The following TBXAS1 variants were observed in gnomAD, a reference collection of about 807,000 sequenced individuals.
The protein encoded by TBXAS1 is thromboxane-A synthase.
TBXAS1 carries 48 observed loss-of-function variants against 60.7 expected under a neutral mutation model. That is an observed-to-expected ratio of 0.79 (90% CI 0.63 to 1.01). TBXAS1 has a LOEUF of 1.01. Among genes scored for constraint, TBXAS1 ranks in the 50% least tolerant of loss-of-function variants. TBXAS1 has a pLI of 0.00. For missense variants in TBXAS1, 685 were observed against 686.3 expected, an observed-to-expected ratio of 1.00 and a Z score of 0.02; for synonymous variants, 287 against 269.7, an observed-to-expected ratio of 1.06 and a Z score of -0.63.
chr7:139,902,717 C>T (rs990352242), intron 3 of TBXAS1, among the ~76,000 whole-genome samples: 1 of 152,150 alleles, frequency 6.6e-6, no homozygotes, highest in Non-Finnish European at 1.5e-5. Context: ...ACCTTCACAT[C>T]AGCAACTTAT....
chr7:139,836,401 T>C (rs2116532620), intron 1 of TBXAS1, among the ~76,000 whole-genome samples: 1 of 152,298 alleles, frequency 6.6e-6, no homozygotes, highest in East Asian at 1.9e-4. Flanking sequence ...GGCCTCACAT[T>C]ACCTTATTTC....
chr7:139,994,517 C>CTT (rs911593015), intron 9 of TBXAS1, among the ~76,000 whole-genome samples: 1 of 150,866 alleles, frequency 6.6e-6, no homozygotes, highest in Non-Finnish European at 1.5e-5. Flanking sequence ...GCAAAGGAGG[C>CTT]TTTTTTTTTA....
chr7:139,885,363 TTGA>T (rs1803007807), intron 3 of TBXAS1, among the ~76,000 whole-genome samples: 1 of 152,216 alleles, frequency 6.6e-6, no homozygotes. Context: ...CCACATTTAA[TTGA>T]AGCGTACCTG....
At chr7:139,820,372 A>G (rs1183090540) in intron 4 of TBXAS1, among the ~76,000 whole-genome samples, 1 of 152,190 alleles carries the variant, frequency 6.6e-6, no homozygotes, top group Non-Finnish European at 1.5e-5. Context: ...AGGATGGGCC[A>G]TGTGTGGTTA....
intron 3 of TBXAS1, 34 bp downstream of exon 3, chr7:139,875,671 G>T (rs372645665): frequency 2.5e-6 from 4 of 1,611,192 alleles, no homozygotes; most frequent in Non-Finnish European, 3.4e-6. Flanking sequence ...TATTATGTAC[G>T]ATATTTTCTA....
rs5765 is a variant in TBXAS1, at chr7:140,020,221, A to G, written c.*122A>G. On this transcript the variant is annotated 3_prime_UTR_variant, in exon 13 of 13. Transcript: ENST00000448866. ...TTGAAAGAGTGCCTGGCATGCAAGGATAAGAGGTTCTTTACATAACATTTC... is the reference window on the plus strand; with the variant it reads ...TTGAAAGAGTGCCTGGCATGCAAGGGTAAGAGGTTCTTTACATAACATTTC... 542 of 949,144 alleles carry G rather than the reference A, an allele frequency of 5.7e-4. 2 individuals carry two copies. In the African/African-American group the frequency reaches 7.4e-3, roughly 13 times the overall value. The allele number at this position is 949,144 out of a possible 1,614,324, so 58.8% of individuals were successfully genotyped here.
At chr7:139,876,197 G>A (rs1802225123) in intron 3 of TBXAS1, among the ~76,000 whole-genome samples, 2 of 152,120 alleles carry the variant, frequency 1.3e-5, no homozygotes, top group African/African-American at 4.8e-5. Context: ...GATATGCTGG[G>A]GCATATGGTC....
At chr7:139,941,101 A>C (rs1179236843) in intron 5 of TBXAS1, among the ~76,000 whole-genome samples, 1 of 152,212 alleles carries the variant, frequency 6.6e-6, no homozygotes, top group Admixed American at 6.5e-5. Context: ...TGGGTATCTG[A>C]GTCAGTTTTC....
At chr7:139,872,795 C>T (rs117334502) in intron 2 of TBXAS1, among the ~76,000 whole-genome samples, 77 of 152,304 alleles carry the variant, frequency 5.1e-4, no homozygotes, top group Middle Eastern at 3.4e-3. Flanking sequence ...CCCTCCTCTA[C>T]TTATATGAAT....
chr7:139,960,840 A>G (rs887900881), intron 8 of TBXAS1, among the ~76,000 whole-genome samples: 31 of 152,190 alleles, frequency 2.0e-4, no homozygotes, highest in African/African-American at 6.8e-4. Flanking sequence ...CAGCTAGCAG[A>G]GTACTTTGCA....
chr7:139,988,361 A>G (rs1812653230), intron 9 of TBXAS1, among the ~76,000 whole-genome samples: 1 of 152,176 alleles, frequency 6.6e-6, no homozygotes, highest in African/African-American at 2.4e-5. Context: ...GCCCTTACCC[A>G]TCACACTTGC....
At chr7:139,950,691 C>T (rs571473449) in intron 5 of TBXAS1, among the ~76,000 whole-genome samples, 253 of 147,186 alleles carry the variant, frequency 1.7e-3, no homozygotes, top group South Asian at 0.015. Context: ...CCCCCTCGCC[C>T]TCCATCTACG....
intron 3 of TBXAS1, among the ~76,000 whole-genome samples, chr7:139,892,798 G>A (rs572532183): frequency 2.0e-4 from 30 of 152,200 alleles, no homozygotes; most frequent in African/African-American, 7.0e-4. Flanking sequence ...GGAGTCTGCC[G>A]AATTCAGAAG....
chr7:139,953,668 G>A (rs571955486), intron 6 of TBXAS1, among the ~76,000 whole-genome samples: 2 of 152,278 alleles, frequency 1.3e-5, no homozygotes, highest in East Asian at 3.9e-4. Context: ...GCGTCCTGTC[G>A]AACCTGTGGA....
At chr7:139,881,459 C>A (rs1002577417) in intron 3 of TBXAS1, among the ~76,000 whole-genome samples, 2 of 152,104 alleles carry the variant, frequency 1.3e-5, no homozygotes, top group Admixed American at 6.5e-5. Flanking sequence ...CCTTTTTCCC[C>A]CCCTCCAGGA....
chr7:140,019,925 C>T, intron 12 of TBXAS1, 100 bp from the exon 13 acceptor site: 1 of 1,159,744 alleles, frequency 8.6e-7, no homozygotes, highest in Non-Finnish European at 1.3e-6. Flanking sequence ...CTTGTGTGAC[C>T]TTGGACAACG....
At chr7:139,924,702 T>A (rs1806750974) in intron 4 of TBXAS1, among the ~76,000 whole-genome samples, 1 of 152,210 alleles carries the variant, frequency 6.6e-6, no homozygotes, top group Non-Finnish European at 1.5e-5. Context: ...TGCCTGTGCT[T>A]GTGGGGTATT....
At chr7:139,832,280 T>A (rs1277814074) in intron 1 of TBXAS1, among the ~76,000 whole-genome samples, 4 of 151,974 alleles carry the variant, frequency 2.6e-5, no homozygotes, top group African/African-American at 4.8e-5. Context: ...CAATAGAAAA[T>A]TCAGGAAACT....
In TBXAS1 at chr7:139,829,455, T is replaced by A; in HGVS notation, c.65T>A (p.Val22Glu). 1 of 1,613,920 alleles carries A rather than the reference T, an allele frequency of 6.2e-7. No homozygotes were observed. The highest frequency in any genetic ancestry group is 8.5e-7 in the Non-Finnish European group (1 of 1,179,940). The change falls in exon 1 of 13, where the codon GTG becomes GAG. Residue 22 changes from valine (V) to glutamate (E), a missense_variant. Val to Glu is a moderately radical substitution (Grantham distance 121). Coordinates refer to ENST00000448866, the MANE Select transcript of TBXAS1 (RefSeq NM_001061.7). ...CCCATGGTGACGGTGGCCCTGTCAG[T>A]GGCTCTCTTGGCCCTCCTGAAATGG... is the stretch of plus-strand genomic sequence containing the variant. ...NGPMVTVALS[V>E]ALLALLKWYS...
Sources: allele counts gnomAD v4.1 joint callset (sites outside exome capture counted in the v4.1 genomes callset), GRCh38; gene constraint gnomAD v4.1.1; transcripts MANE v1.5; gene names NCBI Gene and HGNC (gene_info 2026-07-23, HGNC 2026-07-21).